The following ADGRV1 variants were observed in gnomAD, a reference collection of about 807,000 sequenced individuals.
ADGRV1 encodes adhesion G protein-coupled receptor V1, also known as G-protein coupled receptor 98.
ADGRV1 carries 359 observed loss-of-function variants against 596.2 expected under a neutral mutation model. The ratio of observed to expected loss-of-function variants is 0.60; its 90% CI spans 0.55 to 0.66. ADGRV1 has a LOEUF of 0.66. ADGRV1 is among the 30% of genes least tolerant of loss of function. The probability of loss-of-function intolerance (pLI) is 0.00; values close to 1 mark genes in which losing one functional copy is unlikely to be tolerated. For synonymous variants in ADGRV1, 2,681 were observed against 2,679.2 expected (o/e 1.00, Z -0.02); for missense variants, 7,274 against 7,575.6 (o/e 0.96, Z 1.48).
At chr5:90,962,794 G>C (rs1047353691) in intron 83 of ADGRV1, among the ~76,000 whole-genome samples, 5 of 152,132 alleles carry the variant, frequency 3.3e-5, no homozygotes, top group Admixed American at 2.0e-4. Context: ...ATTTGTAACT[G>C]ATCTTCTTAT....
At position 90,705,510 on chromosome 5, in the gene ADGRV1, A is replaced by G. The variant is rs776416039; in HGVS notation, c.8497A>G (p.Arg2833Gly). 1 of 1,613,920 alleles carries G rather than the reference A, an allele frequency of 6.2e-7. No homozygotes were observed. The highest frequency in any genetic ancestry group is 1.1e-5 in the South Asian group (1 of 91,084). ...AGTTTTAAATTTTGCTCTTTCATCA[A>G]GATTTGTGTTACTACAAGAGGCTAA... ...HGVLNFALSS[R>G]FVLLQEANIT... The change falls in exon 37 of 90, where the codon AGA becomes GGA. Residue 2833 changes from arginine to glycine, a missense_variant. Around this residue, in one of 5 missense-constraint regions of ADGRV1, gnomAD observed 3,643 missense variants for 3,809.2 expected, o/e 0.96. Coordinates refer to ENST00000405460, the MANE Select transcript of ADGRV1 (RefSeq NM_032119.4).
chr5:90,721,174 G>A (rs1750871141), intron 45 of ADGRV1, 115 bp downstream of exon 45: 2 of 901,718 alleles, frequency 2.2e-6, no homozygotes, highest in African/African-American at 1.7e-5. Flanking sequence ...ATGGAAAACA[G>A]ATAATCTAAT....
chr5:91,074,206 C>A (rs191494984), intron 86 of ADGRV1, among the ~76,000 whole-genome samples: 1 of 151,956 alleles, frequency 6.6e-6, no homozygotes, highest in Non-Finnish European at 1.5e-5. Context: ...GGTATATGTG[C>A]ATGTTTATTA....
In ADGRV1 at chr5:90,684,196, G is replaced by T. The variant is rs1299241043; in HGVS notation, c.6274+1G>T. ...GTAGCGAAAGTACAGAGTCGTTCAA[G>T]TAAGTATCCCTTAGTGTGTTATTAT... On this transcript the variant is annotated splice_donor_variant, in intron 28 of 89. Transcript: ENST00000405460. LOFTEE classifies it high-confidence loss of function. 6.2e-7 allele frequency: 1 copy of T among 1,604,560 alleles called. No homozygotes were observed. Among genetic ancestry groups the T allele is most frequent in the South Asian group, 1.1e-5 (1 of 90,050 alleles).
intron 85 of ADGRV1, among the ~76,000 whole-genome samples, chr5:91,031,505 T>G (rs1401730247): frequency 6.6e-6 from 1 of 152,178 alleles, no homozygotes; most frequent in African/African-American, 2.4e-5. Flanking sequence ...GTAAATCCCC[T>G]GGGTCACCAG....
intron 87 of ADGRV1, among the ~76,000 whole-genome samples, chr5:91,107,865 T>C (rs1023804016): frequency 7.9e-5 from 12 of 152,182 alleles, no homozygotes; most frequent in Non-Finnish European, 1.8e-4. Flanking sequence ...TGAGCTCTTA[T>C]GGAGGTTTGT....
intron 21 of ADGRV1, among the ~76,000 whole-genome samples, chr5:90,667,941 C>T (rs1460263505): frequency 2.6e-5 from 4 of 151,978 alleles, no homozygotes; most frequent in Non-Finnish European, 4.4e-5. Flanking sequence ...GGGTCAGGCA[C>T]CCACTTGAGG....
chr5:91,010,267 G>A (rs1243560268), intron 85 of ADGRV1, among the ~76,000 whole-genome samples: 2 of 152,030 alleles, frequency 1.3e-5, no homozygotes, highest in African/African-American at 2.4e-5. Context: ...AGTTTCATAC[G>A]CAGTTCCTGG....
chr5:90,919,236 T>C (rs372753513), intron 83 of ADGRV1, among the ~76,000 whole-genome samples: 1 of 152,226 alleles, frequency 6.6e-6, no homozygotes, highest in South Asian at 2.1e-4. Flanking sequence ...AAATCTACTG[T>C]TCCTATCTCA....
intron 83 of ADGRV1, among the ~76,000 whole-genome samples, chr5:90,961,257 T>C (rs1418157491): frequency 6.6e-6 from 1 of 151,938 alleles, no homozygotes; most frequent in Non-Finnish European, 1.5e-5. Flanking sequence ...TCCCAGCACT[T>C]TGGGAGGCCG....
intron 53 of ADGRV1, 111 bp downstream of exon 53, chr5:90,750,808 C>T (rs79730193): frequency 1.4e-6 from 1 of 711,182 alleles, no homozygotes. Context: ...CATATCAACA[C>T]TGAATTCCTA....
At chr5:90,933,994 C>G (rs574676582) in intron 83 of ADGRV1, among the ~76,000 whole-genome samples, 1 of 152,258 alleles carries the variant, frequency 6.6e-6, no homozygotes, top group Non-Finnish European at 1.5e-5. Context: ...GGCACAGCTG[C>G]CTAGACACAG....
At chr5:90,665,357 G>C (rs971740030) in intron 21 of ADGRV1, among the ~76,000 whole-genome samples, 1 of 151,468 alleles carries the variant, frequency 6.6e-6, no homozygotes, top group Non-Finnish European at 1.5e-5. Flanking sequence ...TGTATGTGTT[G>C]AGGAATTTAT....
rs139903362 is a variant in ADGRV1 at position 90,712,904 on chromosome 5, C to T, written c.9184+476C>T. On this transcript the variant is annotated intron_variant, in intron 42 of 89. Coordinates refer to ENST00000405460, the MANE Select transcript of ADGRV1 (RefSeq NM_032119.4). Reference sequence around the variant, plus strand: ...GATACTTCAGACAGATTATGGGAGACGTAATTCTTGGTTGGAACAGTTTGA... The same window carrying T: ...GATACTTCAGACAGATTATGGGAGATGTAATTCTTGGTTGGAACAGTTTGA... Among the ~76,000 whole-genome samples, 544 of 152,146 alleles carry T rather than the reference C, an allele frequency of 3.6e-3. 2 individuals carry two copies. The highest frequency in any genetic ancestry group is 5.2e-3 in the Admixed American group (79 of 15,290).
chr5:90,978,295 A>AAAATAAATAAATAAATAAAT (rs10529732), intron 84 of ADGRV1, among the ~76,000 whole-genome samples: 308 of 148,572 alleles, frequency 2.1e-3, no homozygotes, highest in African/African-American at 6.6e-3. Flanking sequence ...ACTTCATCTC[A>AAAATAAATAAATAAATAAAT]AAATAAATAA....
intron 1 of ADGRV1, among the ~76,000 whole-genome samples, chr5:90,601,992 TAATG>T (rs1267602854): frequency 6.6e-6 from 1 of 152,144 alleles, no homozygotes; most frequent in Middle Eastern, 3.2e-3. Flanking sequence ...ACAGAAGAAA[TAATG>T]AACGTAGACA....
At chr5:90,808,176 A>G (rs1762088273) in intron 73 of ADGRV1, among the ~76,000 whole-genome samples, 1 of 152,222 alleles carries the variant, frequency 6.6e-6, no homozygotes, top group East Asian at 1.9e-4. Context: ...ATTGAATTTT[A>G]CTATGTATCT....
At chr5:90,797,287 C>CAAA (rs780696194) in intron 70 of ADGRV1, among the ~76,000 whole-genome samples, 409 of 26,248 alleles carry the variant, frequency 0.016, 11 homozygotes, top group African/African-American at 0.032. Context: ...AAATGAAAAG[C>CAAA]AAAAAAAAAA....
intron 6 of ADGRV1, chr5:90,626,615 A>G (rs1764796062): frequency 6.6e-6 from 1 of 152,226 alleles, no homozygotes; most frequent in African/African-American, 2.4e-5. Context: ...AAAGAAAGAA[A>G]AAAATGAAAA....
Sources: gnomAD v4.1 joint callset for allele counts (sites outside exome capture counted in the v4.1 genomes callset) on GRCh38, gnomAD v4.1.1 for gene constraint, gnomAD v4.1.1 regional missense constraint, MANE v1.5 for transcripts, NCBI Gene and HGNC (gene_info 2026-07-23, HGNC 2026-07-21) for gene names.